SLC37A1: variants seen among roughly 807,000 people sequenced by gnomAD.
SLC37A1 encodes glucose-6-phosphate exchanger SLC37A1.
A neutral mutation model predicts 75.3 loss-of-function variants in SLC37A1; 49 were observed. The ratio of observed to expected loss-of-function variants is 0.65; its 90% CI spans 0.52 to 0.83. SLC37A1 has a LOEUF of 0.83. Among genes scored for constraint, SLC37A1 ranks in the 40% least tolerant of loss-of-function variants. The probability of loss-of-function intolerance (pLI) is 0.00; values close to 1 mark genes in which losing one functional copy is unlikely to be tolerated. For synonymous variants in SLC37A1, 268 were observed against 292.1 expected (o/e 0.92, Z 0.84); for missense variants, 566 against 695.0 (o/e 0.81, Z 2.09).
intron 13 of SLC37A1, 39 bp downstream of exon 13, chr21:42,563,916 T>C (rs565831691): frequency 6.2e-7 from 1 of 1,609,816 alleles, no homozygotes; most frequent in East Asian, 2.2e-5. Context: ...AACAATAATT[T>C]CGCAAGGCGC....
chr21:42,579,151 C>A (rs777131601), intron 18 of SLC37A1, among the ~76,000 whole-genome samples: 9 of 152,232 alleles, frequency 5.9e-5, no homozygotes, highest in Non-Finnish European at 1.3e-4. Flanking sequence ...AGCTCTGGGT[C>A]CGGCGAGGAG....
At chr21:42,531,096 G>T (rs190157239) in intron 3 of SLC37A1, among the ~76,000 whole-genome samples, 1 of 152,188 alleles carries the variant, frequency 6.6e-6, no homozygotes, top group South Asian at 2.1e-4. Context: ...ATTTCCTCTC[G>T]CTGCCAGTGG....
At chr21:42,543,357 G>A (rs2055328916) in intron 7 of SLC37A1, 79 bp from the exon 8 acceptor site, 1 of 1,544,744 alleles carries the variant, frequency 6.5e-7, no homozygotes. Context: ...TACTTTGCAG[G>A]CACTGCTGCG....
chr21:42,558,507 T>C (rs2055745756), intron 10 of SLC37A1, among the ~76,000 whole-genome samples: 1 of 152,242 alleles, frequency 6.6e-6, no homozygotes, highest in Non-Finnish European at 1.5e-5. Flanking sequence ...TACGTAGATA[T>C]TTAAACATTC....
chr21:42,568,527 A>C, intron 17 of SLC37A1, 89 bp downstream of exon 17: 1 of 1,284,474 alleles, frequency 7.8e-7, no homozygotes, highest in Non-Finnish European at 1.1e-6. Context: ...CAGGGTTCCA[A>C]CTGCATCTAT....
rs2055436689 is a variant in SLC37A1, at chr21:42,547,387, ACCAAAGG to A, written c.768+249_768+255del. ...GATGAAGGACTTCATGCTAAGGGGA[ACCAAAGG>A]CTGGGCCCTGGCCAGGCCTCCTCAG... On this transcript the variant is annotated intron_variant, in intron 9 of 19. Coordinates refer to ENST00000352133, the MANE Select transcript of SLC37A1 (RefSeq NM_001320537.2). The surrounding 1 kb of genome is among the most constrained non-coding windows in gnomAD (Gnocchi z 6.1). 19 of 449,354 alleles carry A rather than the reference ACCAAAGG, an allele frequency of 4.2e-5. No homozygotes were observed. The South Asian group carries it at 6.7e-4, about 16-fold the overall frequency. The allele number at this position is 449,354 out of a possible 1,614,324, so 27.8% of individuals were successfully genotyped here. A position where few individuals can be genotyped will look rare whatever the true frequency, so the allele number is the denominator to read the frequency against.
intron 6 of SLC37A1, 53 bp downstream of exon 6, chr21:42,539,700 G>C (rs977290942): frequency 7.7e-6 from 12 of 1,560,758 alleles, no homozygotes; most frequent in Non-Finnish European, 1.0e-5. Context: ...TGGTGAATAG[G>C]GTGGAGTGTT....
intron 9 of SLC37A1, among the ~76,000 whole-genome samples, chr21:42,551,306 C>T (rs2055551510): frequency 6.6e-6 from 1 of 152,190 alleles, no homozygotes; most frequent in African/African-American, 2.4e-5. Context: ...GTTTCATTTA[C>T]AATAGCATCA....
chr21:42,518,607 A>G lies in SLC37A1; in HGVS notation c.56+97A>G. 3 of 1,374,060 alleles carry G rather than the reference A, an allele frequency of 2.2e-6. 1 individual carries two copies. Among genetic ancestry groups the G allele is most frequent in the Middle Eastern group, 3.6e-4 (2 of 5,524 alleles). The allele number at this position is 1,374,060 out of a possible 1,614,324, so 85.1% of individuals were successfully genotyped here. A position where few individuals can be genotyped will look rare whatever the true frequency, so the allele number is the denominator to read the frequency against. ...TTGCCCCAGTTTCATTATAAAACAC[A>G]TAAAACTTGAATCACTGACCTCACC... On this transcript the variant is annotated intron_variant, in intron 2 of 19. Coordinates refer to ENST00000352133, the MANE Select transcript of SLC37A1 (RefSeq NM_001320537.2).
At chr21:42,512,734 C>T (rs1433100242), upstream of SLC37A1, among the ~76,000 whole-genome samples, 1 of 152,234 alleles carries the variant, frequency 6.6e-6, no homozygotes, top group Non-Finnish European at 1.5e-5. Context: ...AAGAAGTGGG[C>T]AGGTTTTCTT....
intron 3 of SLC37A1, among the ~76,000 whole-genome samples, chr21:42,530,634 ACACACACACACACACACACACCCC>A (rs1568996953): frequency 1.4e-5 from 1 of 69,050 alleles, no homozygotes; most frequent in African/African-American, 4.3e-5. Flanking sequence ...ACACACACAC[ACACACACACACACACACACACCCC>A]CTCTGTGTTG....
At chr21:42,511,291 T>G (rs9985098), upstream of SLC37A1, among the ~76,000 whole-genome samples, 5,023 of 151,984 alleles carry the variant, frequency 0.033, 111 homozygotes, top group South Asian at 0.04. Flanking sequence ...TAAGACAAAT[T>G]AAAATGGAAA....
At chr21:42,549,175 G>A (rs188824126) in intron 9 of SLC37A1, among the ~76,000 whole-genome samples, 27 of 152,170 alleles carry the variant, frequency 1.8e-4, no homozygotes, top group East Asian at 1.9e-4. Context: ...GGAGAACTTC[G>A]CACACACCTT....
chr21:42,563,959 A>G, intron 13 of SLC37A1, 82 bp downstream of exon 13: 1 of 1,508,948 alleles, frequency 6.6e-7, no homozygotes, highest in Non-Finnish European at 9.2e-7. Flanking sequence ...GCTCAGGGGA[A>G]CAGGGTTCCC....
chr21:42,564,642 TCTG>T, intron 13 of SLC37A1, 63 bp from the exon 14 acceptor site: 1 of 1,328,050 alleles, frequency 7.5e-7, no homozygotes. Context: ...CTCCTGCAGT[TCTG>T]CTTCCTCCCC....
intron 6 of SLC37A1, among the ~76,000 whole-genome samples, chr21:42,541,743 G>A (rs2055288552): frequency 6.6e-6 from 1 of 152,110 alleles, no homozygotes; most frequent in Non-Finnish European, 1.5e-5. Context: ...TAAAAAGTTT[G>A]TATTTGTTTA....
intron 18 of SLC37A1, 73 bp downstream of exon 18, chr21:42,574,988 A>G (rs1322996977): frequency 1.3e-6 from 2 of 1,593,558 alleles, no homozygotes; most frequent in African/African-American, 1.3e-5. Flanking sequence ...CACTGGTGGA[A>G]CTTTCTCCCA....
intron 1 of SLC37A1, among the ~76,000 whole-genome samples, chr21:42,517,923 GA>G (rs914677728): frequency 6.6e-6 from 1 of 152,218 alleles, no homozygotes; most frequent in Non-Finnish European, 1.5e-5. Context: ...GGCATGCCTT[GA>G]TATCTGGGCA....
chr21:42,512,485 G>C (rs62215904), upstream of SLC37A1, among the ~76,000 whole-genome samples: 11,392 of 152,294 alleles, frequency 0.075, 483 homozygotes, highest in Non-Finnish European at 0.094. Flanking sequence ...GCCTCGAGCC[G>C]AACCAATGGC....
Sources: allele counts gnomAD v4.1 joint callset (sites outside exome capture counted in the v4.1 genomes callset), GRCh38; gene constraint gnomAD v4.1.1; non-coding constraint Gnocchi (gnomAD v3.1); transcripts MANE v1.5; gene names NCBI Gene and HGNC (gene_info 2026-07-23, HGNC 2026-07-21).